Variants in MBOAT2 observed in about 807,000 individuals in gnomAD.
The protein encoded by MBOAT2 is membrane bound glycerophospholipid O-acyltransferase 2.
In MBOAT2, 28 loss-of-function variants were observed where a neutral mutation model predicts 63.4. That is an observed-to-expected ratio of 0.44 (90% CI 0.33 to 0.61). The LOEUF (loss-of-function observed/expected upper bound fraction) is 0.61, where lower values mean the gene tolerates loss of function less well. Among genes scored for constraint, MBOAT2 ranks in the 20% least tolerant of loss-of-function variants. The pLI, the probability that MBOAT2 is intolerant of heterozygous loss-of-function variation, is 0.03. For missense variants in MBOAT2, 470 were observed against 605.8 expected (o/e 0.78, Z 2.35); for synonymous variants, 211 against 215.6 (o/e 0.98, Z 0.19).
intron 3 of MBOAT2, among the ~76,000 whole-genome samples, chr2:8,934,196 T>TA (rs1489894100): frequency 2.0e-5 from 3 of 152,190 alleles, no homozygotes; most frequent in Non-Finnish European, 4.4e-5. Flanking sequence ...GCAACCACAT[T>TA]CTTTTGGATA....
chr2:8,911,368 G>C (rs544724582), intron 3 of MBOAT2, among the ~76,000 whole-genome samples: 1 of 152,188 alleles, frequency 6.6e-6, no homozygotes, highest in Non-Finnish European at 1.5e-5. Context: ...TGTGAACTGT[G>C]GGGGCCAGAG....
At chr2:8,900,980 G>A (rs1225166728) in intron 4 of MBOAT2, among the ~76,000 whole-genome samples, 2 of 152,194 alleles carry the variant, frequency 1.3e-5, no homozygotes, top group Non-Finnish European at 2.9e-5. Context: ...TTTCAAGGGT[G>A]AGCCTGTTGA....
At chr2:8,917,804 T>TAGCC (rs1238087130) in intron 3 of MBOAT2, among the ~76,000 whole-genome samples, 5 of 152,242 alleles carry the variant, frequency 3.3e-5, no homozygotes, top group African/African-American at 1.2e-4. Context: ...TTACTCCTAA[T>TAGCC]AGCCCATTTT....
intron 1 of MBOAT2, chr2:8,974,230 G>A (rs1670661168): frequency 2.5e-6 from 1 of 395,608 alleles, no homozygotes; most frequent in Non-Finnish European, 5.2e-6. Flanking sequence ...ACTGGTCTCA[G>A]CCAATCATCA....
At chr2:8,994,584 C>T (rs1205413382) in intron 1 of MBOAT2, among the ~76,000 whole-genome samples, 1 of 152,192 alleles carries the variant, frequency 6.6e-6, no homozygotes, top group South Asian at 2.1e-4. Flanking sequence ...AGAACACTGG[C>T]CTCATGACAT....
chr2:8,993,201 C>T (rs1466985621), intron 1 of MBOAT2, among the ~76,000 whole-genome samples: 1 of 152,222 alleles, frequency 6.6e-6, no homozygotes, highest in Non-Finnish European at 1.5e-5. Flanking sequence ...GAATTATCTT[C>T]AATTCTTTTT....
At chr2:8,984,243 G>C (rs1459976288) in intron 1 of MBOAT2, among the ~76,000 whole-genome samples, 1 of 152,148 alleles carries the variant, frequency 6.6e-6, no homozygotes, top group Non-Finnish European at 1.5e-5. Context: ...GTTGGGGTGA[G>C]GGGAAAATAG....
chr2:8,883,369 C>T (rs1008765648), intron 5 of MBOAT2, among the ~76,000 whole-genome samples: 4 of 152,092 alleles, frequency 2.6e-5, no homozygotes, highest in African/African-American at 7.2e-5. Flanking sequence ...TAAATCATTA[C>T]ATGTACATTA....
chr2:8,871,866 T>C (rs1321976353), intron 8 of MBOAT2, among the ~76,000 whole-genome samples: 1 of 152,148 alleles, frequency 6.6e-6, no homozygotes, highest in Non-Finnish European at 1.5e-5. Context: ...ATTTGTTGAG[T>C]AACAAATATA....
intron 1 of MBOAT2, among the ~76,000 whole-genome samples, chr2:8,982,337 T>C (rs1428035853): frequency 6.6e-6 from 1 of 152,184 alleles, no homozygotes; most frequent in Non-Finnish European, 1.5e-5. Context: ...TGGAAAGCAT[T>C]ATTCTTAAGG....
intron 10 of MBOAT2, 52 bp downstream of exon 10, chr2:8,864,118 T>G: frequency 7.7e-7 from 1 of 1,291,274 alleles, no homozygotes; most frequent in Non-Finnish European, 1.1e-6. Context: ...AAGCTCAACC[T>G]CGAGAACTAG....
At chr2:8,889,256 G>A (rs1408769445) in intron 4 of MBOAT2, among the ~76,000 whole-genome samples, 2 of 152,170 alleles carry the variant, frequency 1.3e-5, no homozygotes, top group African/African-American at 2.4e-5. Flanking sequence ...CGCAAACAGA[G>A]GTGTCTTTCT....
chr2:8,978,716 G>A (rs1305917703), intron 1 of MBOAT2, among the ~76,000 whole-genome samples: 5 of 152,070 alleles, frequency 3.3e-5, no homozygotes, highest in Non-Finnish European at 7.4e-5. Flanking sequence ...TAATGCATCG[G>A]AGCCTAAAAC....
intron 7 of MBOAT2, among the ~76,000 whole-genome samples, chr2:8,875,510 T>C (rs146489829): frequency 2.4e-3 from 368 of 152,342 alleles, no homozygotes; most frequent in African/African-American, 8.5e-3. Flanking sequence ...TACAAAGTCA[T>C]TTGATCTTCA....
intron 4 of MBOAT2, among the ~76,000 whole-genome samples, chr2:8,906,880 G>A (rs1160197501): frequency 5.3e-5 from 8 of 152,076 alleles, no homozygotes; most frequent in East Asian, 1.9e-4. Context: ...TGAAATATAC[G>A]GAATCCCAAA....
In MBOAT2 at chr2:8,862,387, C is replaced by G; in HGVS notation, c.1185+203G>C. ...TGCCGGGCACATAGAAACGTGTTTT[C>G]TCCTCACAGGAACTGGGCATGGAGC... On this transcript the variant is annotated intron_variant, in intron 11 of 12. Transcript: ENST00000305997. The surrounding 1 kb of genome is among the most constrained non-coding windows in gnomAD (Gnocchi z 4.3). 7.1e-7 allele frequency: 1 copy of G among 1,414,938 alleles called. No homozygotes were observed. Among genetic ancestry groups the G allele is most frequent in the Non-Finnish European group, 9.5e-7 (1 of 1,055,244 alleles). 87.6% of individuals were successfully genotyped at this position (1,414,938 alleles called of 1,614,324 possible). A position where few individuals can be genotyped will look rare whatever the true frequency, so the allele number is the denominator to read the frequency against.
intron 1 of MBOAT2, among the ~76,000 whole-genome samples, chr2:9,000,990 A>G (rs1672647547): frequency 6.6e-6 from 1 of 152,070 alleles, no homozygotes; most frequent in Non-Finnish European, 1.5e-5. Context: ...TTAAAAAACG[A>G]TTAAAAACTA....
intron 9 of MBOAT2, among the ~76,000 whole-genome samples, chr2:8,864,789 C>T (rs1204860043): frequency 1.3e-5 from 2 of 152,212 alleles, no homozygotes; most frequent in Non-Finnish European, 2.9e-5. Flanking sequence ...GTTACTCCCA[C>T]TAAAGCTATT....
At chr2:8,973,727 C>G (rs1670623745) in intron 1 of MBOAT2, among the ~76,000 whole-genome samples, 1 of 151,964 alleles carries the variant, frequency 6.6e-6, no homozygotes, top group Admixed American at 6.6e-5. Flanking sequence ...AGAAAAGATG[C>G]CCAAACCCTA....
Sources: allele counts gnomAD v4.1 joint callset (sites outside exome capture counted in the v4.1 genomes callset), GRCh38; gene constraint gnomAD v4.1.1; non-coding constraint Gnocchi (gnomAD v3.1); transcripts MANE v1.5; gene names NCBI Gene and HGNC (gene_info 2026-07-23, HGNC 2026-07-21).